Variants in STK32C observed in about 807,000 individuals in gnomAD.
The protein encoded by STK32C is serine/threonine-protein kinase 32C.
Under a neutral mutation model 56.5 loss-of-function variants are expected in STK32C, and 31 were observed. The ratio of observed to expected loss-of-function variants is 0.55; its 90% CI spans 0.41 to 0.74. The LOEUF (loss-of-function observed/expected upper bound fraction) is 0.74. Ranked by LOEUF, STK32C falls within the 30% of genes least tolerant of loss-of-function variation. The pLI, the probability that STK32C is intolerant of heterozygous loss-of-function variation, is 0.00. For synonymous variants in STK32C, 309 were observed against 289.4 expected (o/e 1.07, Z -0.69); for missense variants, 544 against 676.9 (o/e 0.80, Z 2.18).
At chr10:132,282,210 G>A (rs370636835) in intron 1 of STK32C, among the ~76,000 whole-genome samples, 2 of 152,206 alleles carry the variant, frequency 1.3e-5, no homozygotes, top group African/African-American at 2.4e-5. Flanking sequence ...CAACCAGCCC[G>A]CACCACGCCC....
chr10:132,307,921 G>A lies in STK32C; in HGVS notation c.-88C>T. The A allele has an allele frequency of 1.1e-5, 12 of 1,084,226 alleles. No individual in the cohort carries two copies. Among genetic ancestry groups the A allele is most frequent in the South Asian group, 2.4e-5 (1 of 41,842 alleles). The allele number at this position is 1,084,226 out of a possible 1,614,324, so 67.2% of individuals were successfully genotyped here. A position where few individuals can be genotyped will look rare whatever the true frequency, so the allele number is the denominator to read the frequency against. On this transcript the variant is annotated 5_prime_UTR_variant, in exon 1 of 12. Transcript: ENST00000298630. This position sits in a 1 kb window ranked among gnomAD's most constrained non-coding sequence, Gnocchi z 4.4. ...GCGGCAGTGGTAGCGGGAGCGCTCG[G>A]GGCCGGCAGCGCCCGCCGTGCGCTC...
chr10:132,294,172 T>C (rs1239111280), intron 1 of STK32C, among the ~76,000 whole-genome samples: 1 of 151,968 alleles, frequency 6.6e-6, no homozygotes, highest in Admixed American at 6.6e-5. Context: ...ATCACCAGCG[T>C]GTGGGTGGAG....
intron 2 of STK32C, among the ~76,000 whole-genome samples, chr10:132,238,364 C>A (rs1273383136): frequency 6.6e-6 from 1 of 152,278 alleles, no homozygotes; most frequent in East Asian, 1.9e-4. Flanking sequence ...TAGTTACCAA[C>A]AGGAGGAGGG....
intron 2 of STK32C, among the ~76,000 whole-genome samples, chr10:132,242,868 C>T (rs114457713): frequency 0.015 from 2,263 of 152,292 alleles, 54 homozygotes; most frequent in African/African-American, 0.051. Flanking sequence ...CTCCATGGCA[C>T]GTTTGGTTTG....
At chr10:132,232,380 G>C (rs868057679) in intron 2 of STK32C, among the ~76,000 whole-genome samples, 1 of 152,042 alleles carries the variant, frequency 6.6e-6, no homozygotes, top group East Asian at 1.9e-4. Context: ...AGGCTCCCTC[G>C]GGCCCCTGAT....
upstream of STK32C, among the ~76,000 whole-genome samples, chr10:132,311,962 C>T (rs1452067053): frequency 1.3e-5 from 2 of 152,198 alleles, no homozygotes; most frequent in African/African-American, 2.4e-5. This position sits in a 1 kb window ranked among gnomAD's most constrained non-coding sequence, Gnocchi z 4.4. Flanking sequence ...ACCCTACAGC[C>T]CCAAAGTCCC....
chr10:132,245,991 G>A (rs1478843274), intron 1 of STK32C, 36 bp from the exon 2 acceptor site: 2 of 1,606,232 alleles, frequency 1.2e-6, no homozygotes, highest in Middle Eastern at 1.7e-4. Flanking sequence ...TGGTGAGGTG[G>A]CAGCAAGGCC....
intron 4 of STK32C, 121 bp downstream of exon 4, chr10:132,226,674 G>C: frequency 8.3e-7 from 1 of 1,200,768 alleles, no homozygotes. Context: ...TCAGGCAAGG[G>C]TGGGGCAGAG....
At chr10:132,244,759 G>C (rs758253353) in intron 2 of STK32C, among the ~76,000 whole-genome samples, 1 of 152,096 alleles carries the variant, frequency 6.6e-6, no homozygotes, top group Admixed American at 6.5e-5. Flanking sequence ...CCTGCCCCTC[G>C]TGCACCCGCT....
exon 1 of STK32C, chr10:132,331,792 G>C (rs372900819): frequency 1.2e-6 from 2 of 1,604,830 alleles, no homozygotes; most frequent in South Asian, 2.2e-5. Flanking sequence ...GACCCTCGCG[G>C]TCTCTACTTG....
Position 132,226,864 on chromosome 10 carries a change from G to A in STK32C, c.575C>T (p.Thr192Met), listed in dbSNP as rs377143071. ...CATCTCGCAGATGTACAGCCTCACC[G>A]TGTCCTCGGAGAACTGCACGTTCTG... ...LQQNVQFSED[T>M]VRLYICEMAL... The change falls in exon 4 of 12, where the codon ACG (threonine) becomes ATG (methionine). Residue 192 changes from threonine (T) to methionine (M), a missense_variant. Coordinates refer to ENST00000298630, the MANE Select transcript of STK32C (RefSeq NM_173575.4). 7.4e-6 allele frequency: 12 copies of A among 1,613,430 alleles called. No homozygotes were observed. The highest frequency in any genetic ancestry group is 4.5e-5 in the East Asian group (2 of 44,888).
At chr10:132,259,761 C>T (rs563555373) in intron 1 of STK32C, among the ~76,000 whole-genome samples, 6 of 152,310 alleles carry the variant, frequency 3.9e-5, no homozygotes, top group African/African-American at 1.2e-4. Flanking sequence ...AATGCGAAAA[C>T]GGACTAATAA....
At chr10:132,266,145 A>C (rs1213119358) in intron 1 of STK32C, among the ~76,000 whole-genome samples, 1 of 152,226 alleles carries the variant, frequency 6.6e-6, no homozygotes, top group Non-Finnish European at 1.5e-5. Flanking sequence ...CCACTAGGGG[A>C]CTTCTTTTAA....
intron 2 of STK32C, among the ~76,000 whole-genome samples, chr10:132,237,688 A>G (rs4880356): frequency 0.74 from 112,885 of 151,918 alleles, 42,044 homozygotes; most frequent in Admixed American, 0.8. Flanking sequence ...CTCTGCCCCC[A>G]AGTGCAGCTT....
intron 1 of STK32C, among the ~76,000 whole-genome samples, chr10:132,277,748 CTTGCACAGACAA>C (rs1474671529): frequency 6.6e-6 from 1 of 152,198 alleles, no homozygotes; most frequent in African/African-American, 2.4e-5. Context: ...TTCTGAGTCC[CTTGCACAGACAA>C]GTGCACACAC....
At chr10:132,269,216 G>C (rs557252939) in intron 1 of STK32C, among the ~76,000 whole-genome samples, 1 of 147,926 alleles carries the variant, frequency 6.8e-6, no homozygotes, top group South Asian at 2.1e-4. Flanking sequence ...TGTGCCTGTG[G>C]GTGCAGCTCT....
chr10:132,221,628 C>CCA (rs2062658216), intron 10 of STK32C, among the ~76,000 whole-genome samples: 1 of 121,160 alleles, frequency 8.3e-6, no homozygotes, highest in African/African-American at 3.3e-5. Context: ...GGCCGTCCCC[C>CCA]CACACACAAC....
exon 2 of STK32C, chr10:132,324,331 C>A (rs757667937): frequency 2.6e-6 from 2 of 779,524 alleles, no homozygotes; most frequent in African/African-American, 1.7e-5. Context: ...CATTCCACAT[C>A]TTCCTGGCAA....
chr10:132,306,500 C>T (rs886289731), intron 1 of STK32C, among the ~76,000 whole-genome samples: 6 of 152,206 alleles, frequency 3.9e-5, no homozygotes, highest in Admixed American at 1.3e-4. Flanking sequence ...TCCCCGGTGC[C>T]GTCTCCCGGA....
Sources: gnomAD v4.1 joint callset for allele counts (sites outside exome capture counted in the v4.1 genomes callset) on GRCh38, gnomAD v4.1.1 for gene constraint, Gnocchi (gnomAD v3.1) non-coding constraint, MANE v1.5 for transcripts, NCBI Gene and HGNC (gene_info 2026-07-23, HGNC 2026-07-21) for gene names.